Variants in KIF26A observed in about 807,000 individuals in gnomAD.
KIF26A encodes the protein kinesin-like protein KIF26A.
KIF26A carries 74 observed loss-of-function variants against 126.0 expected under a neutral mutation model. That is an observed-to-expected ratio of 0.59 (90% CI 0.49 to 0.71). The LOEUF (loss-of-function observed/expected upper bound fraction) is 0.71. Ranked by LOEUF, KIF26A falls within the 30% of genes least tolerant of loss-of-function variation. The pLI is 0.00. For missense variants in KIF26A, 2,984 were observed against 2,763.3 expected (o/e 1.08, Z -1.79); for synonymous variants, 1,445 against 1,232.7 (o/e 1.17, Z -3.61).
At chr14:104,169,916 A>G (rs1268388511) in intron 5 of KIF26A, among the ~76,000 whole-genome samples, 1 of 152,192 alleles carries the variant, frequency 6.6e-6, no homozygotes, top group Non-Finnish European at 1.5e-5. Context: ...CAGTAATGAC[A>G]GGGTTCTCTT....
Position 104,167,024 on chromosome 14 carries a change from G to T in KIF26A, c.1089G>T (p.Lys363Asn). The change falls in exon 5 of 15, where the codon AAG becomes AAT. Residue 363 changes from lysine (K) to asparagine (N), a missense_variant. By Grantham distance (94) the Lys-to-Asn change is moderately conservative. Transcript: ENST00000423312. ...TGCTCAGGGCCGCCTCCAAGACCAAGGACAACCCTGGCAGCATCGGGAAGG... is the reference window on the plus strand; with the variant it reads ...TGCTCAGGGCCGCCTCCAAGACCAATGACAACCCTGGCAGCATCGGGAAGG... The part of the protein sequence containing the change: ...PCLLRAASKT[K>N]DNPGSIGKVK... 1 of 1,575,878 alleles carries T rather than the reference G, an allele frequency of 6.3e-7. No homozygotes were observed.
chr14:104,176,948 C>G lies in KIF26A; in HGVS notation c.4160C>G (p.Pro1387Arg). Residue 1387 changes from proline to arginine, a missense_variant, in exon 12 of 15, where the codon CCG (proline) becomes CGG (arginine). Transcript: ENST00000423312. ...PASAPPHAVN[P>R]ARVGAAAVLR... ...TCGGCCCCTCCGCATGCTGTGAACCCGGCGCGGGTCGGGGCTGCTGCTGTC... is the reference window on the plus strand; with the variant it reads ...TCGGCCCCTCCGCATGCTGTGAACCGGGCGCGGGTCGGGGCTGCTGCTGTC... 1 of 1,535,098 alleles carries G rather than the reference C, an allele frequency of 6.5e-7. No homozygotes were observed. The highest frequency in any genetic ancestry group is 8.7e-7 in the Non-Finnish European group (1 of 1,145,688).
Position 104,175,379 on chromosome 14 carries a change from C to G in KIF26A, c.2591C>G (p.Thr864Ser). The change falls in exon 12 of 15, where the codon ACC becomes AGC. Residue 864 changes from threonine (T) to serine (S), a missense_variant. Thr to Ser is a moderately conservative substitution (Grantham distance 58, BLOSUM62 1). Coordinates refer to ENST00000423312, the MANE Select transcript of KIF26A (RefSeq NM_015656.2). ...GGTCCCTCAGGAGGTCCAGGTGGCA[C>G]CGACGGAGCTCAGGCCAGCCCCGCC... ...NEGPSGGPGG[T>S]DGAQASPARG... is the part of the protein sequence containing the mutation. The G allele has an allele frequency of 6.3e-7, 1 of 1,598,820 alleles. No homozygotes were observed. Among genetic ancestry groups the G allele is most frequent in the Non-Finnish European group, 8.5e-7 (1 of 1,177,272 alleles).
intron 4 of KIF26A, 26 bp downstream of exon 4, chr14:104,157,968 C>T (rs1434962296): frequency 6.8e-7 from 1 of 1,471,612 alleles, no homozygotes. Context: ...TCCTGGGCAG[C>T]CTTGTGGGCA....
chr14:104,165,820 T>C (rs940750451), intron 4 of KIF26A, among the ~76,000 whole-genome samples: 2 of 152,158 alleles, frequency 1.3e-5, no homozygotes, highest in Admixed American at 1.3e-4. Context: ...TGTGTGTTTC[T>C]GTGTGCATGT....
rs771192425 is a variant in KIF26A at position 104,152,078 on chromosome 14, C to T, written c.352C>T (p.Arg118Cys). ...LPAPGALPACRPEAERRCDVC... is the reference protein window; with the variant it reads ...LPAPGALPACCPEAERRCDVC... ...AGCACCTGGGGCCCTGCCAGCCTGTCGCCCAGAGGCCGAGCGCCGCTGTGA... is the reference window on the plus strand; with the variant it reads ...AGCACCTGGGGCCCTGCCAGCCTGTTGCCCAGAGGCCGAGCGCCGCTGTGA... Residue 118 changes from arginine (R) to cysteine (C), a missense_variant, in exon 3 of 15, where the codon CGC becomes TGC. Transcript: ENST00000423312. The surrounding 1 kb of genome is among the most constrained non-coding windows in gnomAD (Gnocchi z 5.9). 40 of 1,612,670 alleles carry T rather than the reference C, an allele frequency of 2.5e-5. No homozygotes were observed. Among genetic ancestry groups the T allele is most frequent in the East Asian group, 6.7e-5 (3 of 44,872 alleles).
rs748950289 is a variant in KIF26A at position 104,175,438 on chromosome 14, G to A, written c.2650G>A (p.Ala884Thr). The change falls in exon 12 of 15, where the codon GCA becomes ACA. Residue 884 changes from alanine (A) to threonine (T), a missense_variant. Coordinates refer to ENST00000423312, the MANE Select transcript of KIF26A (RefSeq NM_015656.2). ...CCGGAAGCCCTCGCCACCAGAGGCT[G>A]CATCCCCCAGGAAGGCCGTGGGCAC... ...GGRKPSPPEA[A>T]SPRKAVGTPM... 2.5e-6 allele frequency: 4 copies of A among 1,591,644 alleles called. No homozygotes were observed. The South Asian group carries it at 3.4e-5, about 13-fold the overall frequency.
At chr14:104,154,739 G>A (rs915632719) in intron 3 of KIF26A, among the ~76,000 whole-genome samples, 10 of 152,232 alleles carry the variant, frequency 6.6e-5, no homozygotes, top group African/African-American at 2.4e-4. Context: ...CTGCGAGACC[G>A]AGGCTCTGGC....
In KIF26A at chr14:104,176,611, G is replaced by A. The variant is rs1322525100; in HGVS notation, c.3823G>A (p.Val1275Met). 1.9e-6 allele frequency: 3 copies of A among 1,609,072 alleles called. No individual in the cohort carries two copies. Among genetic ancestry groups the A allele is most frequent in the Admixed American group, 1.7e-5 (1 of 59,940 alleles). Residue 1275 changes from valine (V) to methionine (M), a missense_variant, in exon 12 of 15, where the codon GTG becomes ATG. Physicochemically the swap from Val to Met is conservative, Grantham distance 21. Transcript: ENST00000423312. ...LGSPRLPEAQ[V>M]MLACAQRVVD... The stretch of plus-strand genomic sequence containing the variant: ...CTCCCCCCGGCTGCCTGAGGCCCAG[G>A]TGATGCTAGCCTGTGCCCAGAGAGT...
intron 3 of KIF26A, among the ~76,000 whole-genome samples, chr14:104,154,126 T>C (rs1566856913): frequency 6.6e-6 from 1 of 152,196 alleles, no homozygotes; most frequent in Non-Finnish European, 1.5e-5. Flanking sequence ...TAATGGTGCC[T>C]GTTAGACTCT....
rs1185663478 is a variant in KIF26A, at chr14:104,178,483, C to G, written c.5111-67C>G. ...AGGACTCGGGCCGGCTCCGCAGCGT[C>G]CCCGCAGGGGCTGTGCTTGGGCTGG... On this transcript the variant is annotated intron_variant, in intron 12 of 14. Transcript: ENST00000423312. The G allele has an allele frequency of 4.1e-6, 5 of 1,234,294 alleles. No individual in the cohort carries two copies. In the African/African-American group the frequency reaches 6.3e-5, roughly 15 times the overall value. 76.5% of individuals were successfully genotyped at this position (1,234,294 alleles called of 1,614,324 possible).
chr14:104,171,970 C>T (rs971883690), intron 6 of KIF26A, 35 bp downstream of exon 6: 1 of 1,536,162 alleles, frequency 6.5e-7, no homozygotes. Context: ...CTCCCGGAGA[C>T]CCGGAGCCGG....
intron 4 of KIF26A, among the ~76,000 whole-genome samples, chr14:104,163,581 G>A (rs1596141469): frequency 1.3e-5 from 2 of 148,326 alleles, no homozygotes; most frequent in East Asian, 2.1e-4. Context: ...CGGGCCCCAC[G>A]ATGCAGGTGC....
rs1485895182 is a variant in KIF26A, at chr14:104,177,337, C to T, written c.4549C>T (p.Leu1517=). 6.6e-7 allele frequency: 1 copy of T among 1,511,888 alleles called. No individual in the cohort carries two copies. Among genetic ancestry groups the T allele is most frequent in the Non-Finnish European group, 8.8e-7 (1 of 1,133,482 alleles). 93.7% of individuals were successfully genotyped at this position (1,511,888 alleles called of 1,614,324 possible). ...GSRALGPSVK[L]STASVTGRSP... Reference sequence around the variant, plus strand: ...GCGGGCTCTGGGGCCTTCGGTGAAGCTGTCTACGGCCTCTGTGACGGGCAG... The same window carrying T: ...GCGGGCTCTGGGGCCTTCGGTGAAGTTGTCTACGGCCTCTGTGACGGGCAG... Residue 1517 remains leucine, a synonymous_variant, in exon 12 of 15, where the codon CTG becomes TTG. Coordinates refer to ENST00000423312, the MANE Select transcript of KIF26A (RefSeq NM_015656.2).
chr14:104,141,825 G>T (rs1653373407), intron 2 of KIF26A, among the ~76,000 whole-genome samples: 1 of 152,212 alleles, frequency 6.6e-6, no homozygotes, highest in Non-Finnish European at 1.5e-5. Flanking sequence ...CCACCCTCCT[G>T]CCAGGAGGCA....
chr14:104,157,873 T>C lies in KIF26A; in HGVS notation c.854T>C (p.Leu285Pro). The C allele has an allele frequency of 1.9e-6, 3 of 1,597,286 alleles. No homozygotes were observed. Among genetic ancestry groups the C allele is most frequent in the Non-Finnish European group, 2.6e-6 (3 of 1,170,406 alleles). The change falls in exon 4 of 15, where the codon CTG becomes CCG. Residue 285 changes from leucine (L) to proline (P), a missense_variant. Coordinates refer to ENST00000423312, the MANE Select transcript of KIF26A (RefSeq NM_015656.2). ...WGRGGVCTSA[L>P]VTPTPGSVGG... ...CGTGGTGGAGTCTGCACGTCAGCCC[T>C]GGTCACCCCCACCCCGGGCTCGGTG... is the stretch of plus-strand genomic sequence containing the variant.
rs200596070 is a variant in KIF26A at position 104,175,268 on chromosome 14, C to A, written c.2480C>A (p.Ser827Tyr). Reference sequence around the variant, plus strand: ...CCTGCCCTGAGCCGCCACCGGCCCTCCAAGGGTCCCCGAGACGCAGACCAC... The same window carrying A: ...CCTGCCCTGAGCCGCCACCGGCCCTACAAGGGTCCCCGAGACGCAGACCAC... ...IIPALSRHRP[S>Y]KGPRDADHFR... Residue 827 changes from serine to tyrosine, a missense_variant, in exon 12 of 15, where the codon TCC (serine) becomes TAC (tyrosine). Ser to Tyr is a moderately radical substitution (Grantham distance 144). Transcript: ENST00000423312. 35 of 1,606,412 alleles carry A rather than the reference C, an allele frequency of 2.2e-5. No homozygotes were observed. In the African/African-American group the frequency reaches 4.1e-4, roughly 19 times the overall value.
In KIF26A at chr14:104,166,988, GC is replaced by G; in HGVS notation, c.1059del (p.Cys354AlafsTer19). On this transcript the variant is annotated frameshift_variant, in exon 5 of 15. Transcript: ENST00000423312. LOFTEE classifies it high-confidence loss of function. ...TCCTGCAGCTGTGGCCGCCCCCGGC[GC>G]CCCCCTGCCTGCTCAGGGCCGCCTC... The part of the protein sequence containing the change: ...GVLQLWPPPA[P>X]PCLLRAASKT... 2 of 1,582,988 alleles carry G rather than the reference GC, an allele frequency of 1.3e-6. No individual in the cohort carries two copies. Among genetic ancestry groups the G allele is most frequent in the Admixed American group, 1.8e-5 (1 of 55,804 alleles).
chr14:104,159,775 TC>T (rs1279258778), intron 4 of KIF26A, among the ~76,000 whole-genome samples: 1 of 151,904 alleles, frequency 6.6e-6, no homozygotes, highest in African/African-American at 2.4e-5. Flanking sequence ...GCGGGGGACA[TC>T]CTGGCAGGTG....
Sources: gnomAD v4.1 joint callset for allele counts (sites outside exome capture counted in the v4.1 genomes callset) on GRCh38, gnomAD v4.1.1 for gene constraint, Gnocchi (gnomAD v3.1) non-coding constraint, MANE v1.5 for transcripts, NCBI Gene and HGNC (gene_info 2026-07-23, HGNC 2026-07-21) for gene names.